The following PTPRD variants were observed in gnomAD, a reference collection of about 807,000 sequenced individuals.
PTPRD encodes the protein receptor-type tyrosine-protein phosphatase delta.
PTPRD carries 34 observed loss-of-function variants against 214.5 expected under a neutral mutation model. The ratio of observed to expected loss-of-function variants is 0.16; its 90% CI spans 0.12 to 0.21. The LOEUF is 0.21. Ranked by LOEUF, PTPRD falls within the 10% of genes least tolerant of loss-of-function variation. PTPRD has a pLI of 1.00. For synonymous variants in PTPRD, 1,128 were observed against 845.7 expected (o/e 1.33, Z -5.79); for missense variants, 2,545 against 2,398.7 (o/e 1.06, Z -1.27).
chr9:9,036,385 A>T (rs1393402001), intron 10 of PTPRD, among the ~76,000 whole-genome samples: 1 of 152,146 alleles, frequency 6.6e-6, no homozygotes, highest in Non-Finnish European at 1.5e-5. Context: ...AGTGATTGTT[A>T]AAAATATAGG....
intron 14 of PTPRD, among the ~76,000 whole-genome samples, chr9:8,541,986 A>G (rs2078561960): frequency 6.6e-6 from 1 of 152,140 alleles, no homozygotes. Context: ...CAAAAGTTAC[A>G]TGAATGAAAT....
At chr9:9,066,560 CA>C (rs1176668884) in intron 10 of PTPRD, among the ~76,000 whole-genome samples, 1 of 67,064 alleles carries the variant, frequency 1.5e-5, no homozygotes, top group Non-Finnish European at 4.1e-5. Context: ...ACAACAACAA[CA>C]AAAAGTTTTG....
intron 9 of PTPRD, among the ~76,000 whole-genome samples, chr9:9,378,055 C>T (rs897203985): frequency 2.6e-5 from 4 of 151,916 alleles, no homozygotes; most frequent in Admixed American, 2.0e-4. Flanking sequence ...TATTTGTTAC[C>T]GATAATGAAC....
At position 8,518,292 on chromosome 9, in the gene PTPRD, A is replaced by G. The variant is rs2097822683; in HGVS notation, c.1099T>C (p.Tyr367His). The G allele has an allele frequency of 1.2e-6, 2 of 1,614,024 alleles. No individual in the cohort carries two copies. The highest frequency in any genetic ancestry group is 2.2e-5 in the East Asian group (1 of 44,878). ...GTCGCCACCCCATCAATTTCTTTGT[A>G]AAGTTCCTCAGAGTTTTTAGGTTTA... ...QHKPKNSEEL[Y>H]KEIDGVATTR... The change falls in exon 21 of 46, where the codon TAC (tyrosine) becomes CAC (histidine). Residue 367 changes from tyrosine (Y) to histidine (H), a missense_variant. Coordinates refer to ENST00000381196, the MANE Select transcript of PTPRD (RefSeq NM_002839.4).
At chr9:9,002,112 A>G (rs1379788543) in intron 11 of PTPRD, among the ~76,000 whole-genome samples, 1 of 152,026 alleles carries the variant, frequency 6.6e-6, no homozygotes, top group Non-Finnish European at 1.5e-5. Flanking sequence ...CCTGTTTTAC[A>G]AGAATTTTTA....
chr9:10,298,677 A>T (rs931099764), intron 3 of PTPRD, among the ~76,000 whole-genome samples: 1 of 151,986 alleles, frequency 6.6e-6, no homozygotes, highest in Admixed American at 6.6e-5. Context: ...ATGAAAATTT[A>T]CATATATACA....
chr9:10,049,712 G>A (rs141029749), intron 3 of PTPRD, among the ~76,000 whole-genome samples: 7 of 152,278 alleles, frequency 4.6e-5, no homozygotes, highest in African/African-American at 1.2e-4. Flanking sequence ...AAGTAGGGCT[G>A]ATTTTATTTC....
chr9:9,620,141 T>G (rs17786597), intron 7 of PTPRD, among the ~76,000 whole-genome samples: 29,256 of 151,982 alleles, frequency 0.19, 3,458 homozygotes, highest in Non-Finnish European at 0.27. Flanking sequence ...AATTTCTAAT[T>G]TCCTACTTAA....
intron 5 of PTPRD, among the ~76,000 whole-genome samples, chr9:9,937,908 T>C (rs1431316942): frequency 1.3e-5 from 2 of 152,326 alleles, no homozygotes; most frequent in African/African-American, 4.8e-5. Context: ...GTGATTAATA[T>C]ATTCTGGCTA....
At chr9:9,637,698 G>C (rs2095816029) in intron 7 of PTPRD, among the ~76,000 whole-genome samples, 1 of 152,052 alleles carries the variant, frequency 6.6e-6, no homozygotes. Context: ...CTATAGTTCT[G>C]GGGTCTTTGG....
At chr9:8,870,228 T>C (rs1342531713) in intron 11 of PTPRD, among the ~76,000 whole-genome samples, 3 of 151,360 alleles carry the variant, frequency 2.0e-5, no homozygotes, top group African/African-American at 7.3e-5. Flanking sequence ...ACTTTGGAAA[T>C]GCCATCTCAT....
intron 4 of PTPRD, among the ~76,000 whole-genome samples, chr9:9,999,232 T>C (rs925084442): frequency 3.3e-5 from 5 of 152,180 alleles, no homozygotes; most frequent in Non-Finnish European, 5.9e-5. Context: ...AATCATCTCC[T>C]GGATGCACCA....
chr9:9,103,000 T>C (rs16928935), intron 10 of PTPRD, among the ~76,000 whole-genome samples: 3,226 of 152,302 alleles, frequency 0.021, 117 homozygotes, highest in African/African-American at 0.074. Context: ...TCTGTGTCTT[T>C]GATACTGCAT....
At chr9:9,370,852 TG>T (rs2139738013) in intron 9 of PTPRD, among the ~76,000 whole-genome samples, 1 of 152,260 alleles carries the variant, frequency 6.6e-6, no homozygotes, top group East Asian at 1.9e-4. Context: ...AGGCCTTTTC[TG>T]CATCTATTGA....
intron 2 of PTPRD, among the ~76,000 whole-genome samples, chr9:10,450,188 T>C (rs2098831032): frequency 6.6e-6 from 1 of 151,754 alleles, no homozygotes; most frequent in South Asian, 2.1e-4. Context: ...ACTATTGTCC[T>C]ATGACCCTGG....
At chr9:8,459,709 C>G (rs1007186765) in intron 33 of PTPRD, among the ~76,000 whole-genome samples, 2 of 152,016 alleles carry the variant, frequency 1.3e-5, no homozygotes, top group African/African-American at 4.8e-5. Flanking sequence ...TTATTTGCAT[C>G]CTAACTGTAG....
intron 11 of PTPRD, among the ~76,000 whole-genome samples, chr9:8,926,635 C>G (rs1020171330): frequency 1.3e-5 from 2 of 152,140 alleles, no homozygotes; most frequent in East Asian, 1.9e-4. Context: ...TTCCCTGATT[C>G]TTTCCACTGG....
At chr9:10,410,270 T>TATATAC (rs532202941) in intron 2 of PTPRD, among the ~76,000 whole-genome samples, 1,670 of 139,818 alleles carry the variant, frequency 0.012, 33 homozygotes, top group African/African-American at 0.04. Context: ...TATATATATA[T>TATATAC]ACACACACAC....
At chr9:10,022,827 T>C (rs1324118825) in intron 4 of PTPRD, among the ~76,000 whole-genome samples, 5 of 152,216 alleles carry the variant, frequency 3.3e-5, no homozygotes, top group African/African-American at 1.2e-4. Flanking sequence ...ATTGTTTTCC[T>C]GTTCTCAATA....
Sources: allele counts gnomAD v4.1 joint callset (sites outside exome capture counted in the v4.1 genomes callset), GRCh38; gene constraint gnomAD v4.1.1; transcripts MANE v1.5; gene names NCBI Gene and HGNC (gene_info 2026-07-23, HGNC 2026-07-21).